DRGX: variants seen among roughly 807,000 people sequenced by gnomAD.
DRGX encodes dorsal root ganglia homeobox protein.
DRGX carries 21 observed loss-of-function variants against 28.6 expected under a neutral mutation model. That is an observed-to-expected ratio of 0.73 (90% CI 0.52 to 1.06). DRGX has a LOEUF of 1.06. DRGX is among the 50% of genes least tolerant of loss of function. DRGX has a pLI of 0.00. For missense variants in DRGX, 354 were observed against 343.9 expected (o/e 1.03, Z -0.23); for synonymous variants, 136 against 139.1 (o/e 0.98, Z 0.16).
rs533421161 is a variant in DRGX at position 49,370,520 on chromosome 10, TGCAGGTGGAC to T, written c.527-4149_527-4140del. 4.0e-3 allele frequency among the ~76,000 whole-genome samples: 603 copies of T among 152,342 alleles called. 2 individuals are homozygous for T. Among genetic ancestry groups the T allele is most frequent in the African/African-American group, 0.013 (554 of 41,578 alleles). On this transcript the variant is annotated intron_variant, in intron 6 of 6. Transcript: ENST00000374139. ...GTGTCCATCAAAGGGGGCGGATGCC[TGCAGGTGGAC>T]GCACAAACACGGTAACAGCCACACC...
At chr10:49,389,662 C>T (rs1849879263) in intron 4 of DRGX, among the ~76,000 whole-genome samples, 1 of 152,164 alleles carries the variant, frequency 6.6e-6, no homozygotes, top group Non-Finnish European at 1.5e-5. Context: ...TTCTTTGGAT[C>T]CACTTTGTTG....
chr10:49,390,793 G>A (rs146709669), intron 3 of DRGX, among the ~76,000 whole-genome samples: 84 of 146,382 alleles, frequency 5.7e-4, no homozygotes, highest in African/African-American at 2.0e-3. Context: ...CCTTATCCAA[G>A]TCAGCCAACT....
Position 49,395,392 on chromosome 10 carries a change from G to T in DRGX, c.34+15C>A. 6.5e-7 allele frequency: 1 copy of T among 1,549,998 alleles called. No individual in the cohort carries two copies. The highest frequency in any genetic ancestry group is 1.4e-5 in the African/African-American group (1 of 73,182). On this transcript the variant is annotated intron_variant, in intron 2 of 6. Coordinates refer to ENST00000374139, the MANE Select transcript of DRGX (RefSeq NM_001276451.2). ...TCTGGCTTCATGGAGACCCTGGGGC[G>T]CAGCGCTTACTTACCCTCTAGCTGT...
intron 6 of DRGX, among the ~76,000 whole-genome samples, chr10:49,371,043 A>T (rs1849653974): frequency 6.6e-6 from 1 of 152,228 alleles, no homozygotes; most frequent in Admixed American, 6.5e-5. Context: ...AACTACAGTG[A>T]TCTCGGCACA....
chr10:49,384,613 C>T (rs1397383586), intron 6 of DRGX, among the ~76,000 whole-genome samples: 1 of 152,186 alleles, frequency 6.6e-6, no homozygotes, highest in Admixed American at 6.5e-5. Context: ...AGAGGATGGA[C>T]AGATGTTTGT....
chr10:49,368,463 C>G (rs17009959), intron 6 of DRGX, among the ~76,000 whole-genome samples: 4,860 of 152,332 alleles, frequency 0.032, 207 homozygotes, highest in African/African-American at 0.094. Context: ...GGTCAAACCC[C>G]GAGGCCTGGC....
At chr10:49,367,392 AAAAAG>A (rs934360499) in intron 6 of DRGX, among the ~76,000 whole-genome samples, 13 of 152,058 alleles carry the variant, frequency 8.5e-5, no homozygotes, top group South Asian at 2.1e-4. Context: ...AAAGAAAAAG[AAAAAG>A]AAAAGAAAAG....
At chr10:49,395,863 A>T (rs1234442667) in intron 1 of DRGX, 72 bp downstream of exon 1, 1 of 205,078 alleles carries the variant, frequency 4.9e-6, no homozygotes, top group Non-Finnish European at 9.9e-6. Flanking sequence ...GCTGCAGCTC[A>T]GGCCAGGAAG....
chr10:49,376,910 G>C (rs1414052975), intron 6 of DRGX, among the ~76,000 whole-genome samples: 1 of 152,164 alleles, frequency 6.6e-6, no homozygotes, highest in Non-Finnish European at 1.5e-5. Context: ...GTCCATGACT[G>C]TCACCTGAAC....
intron 4 of DRGX, 47 bp from the exon 5 acceptor site, chr10:49,386,905 G>A: frequency 6.6e-7 from 1 of 1,509,626 alleles, no homozygotes; most frequent in Non-Finnish European, 8.8e-7. Context: ...CAAACAGGAG[G>A]AAGAAGCCAG....
rs920299892 is a variant in DRGX, at chr10:49,365,074, T to C, written c.*1042A>G. The C allele has an allele frequency of 2.0e-5, 3 of 152,206 alleles. No homozygotes were observed. The highest frequency in any genetic ancestry group is 4.4e-5 in the Non-Finnish European group (3 of 68,038). 9.4% of individuals were successfully genotyped at this position (152,206 alleles called of 1,614,324 possible). A position where few individuals can be genotyped will look rare whatever the true frequency, so the allele number is the denominator to read the frequency against. On this transcript the variant is annotated 3_prime_UTR_variant, in exon 7 of 7. Coordinates refer to ENST00000374139, the MANE Select transcript of DRGX (RefSeq NM_001276451.2). ...TTTGGAATTAATGCTCTCCACACCA[T>C]GAGAAAGCTGTCTTCCCCATGCTCC...
intron 3 of DRGX, 22 bp from the exon 4 acceptor site, chr10:49,390,256 T>A (rs1474357584): frequency 6.3e-7 from 1 of 1,589,204 alleles, no homozygotes; most frequent in Non-Finnish European, 8.6e-7. Flanking sequence ...AAAAAATATG[T>A]ACTGGTGAGA....
intron 6 of DRGX, among the ~76,000 whole-genome samples, chr10:49,376,981 C>A (rs1849723946): frequency 6.6e-6 from 1 of 152,172 alleles, no homozygotes; most frequent in Admixed American, 6.5e-5. Flanking sequence ...CCAGATCCTT[C>A]ACGTAGGGAT....
intron 6 of DRGX, among the ~76,000 whole-genome samples, chr10:49,371,058 CAT>C (rs1342274067): frequency 6.6e-6 from 1 of 152,212 alleles, no homozygotes; most frequent in East Asian, 1.9e-4. Flanking sequence ...GGCACATACA[CAT>C]GTTAACTTAA....
At chr10:49,395,588 G>T (rs75598435) in intron 1 of DRGX, 67 bp from the exon 2 acceptor site, 18,955 of 917,484 alleles carry the variant, frequency 0.021, 281 homozygotes, top group Middle Eastern at 0.052. Flanking sequence ...GCCCTAGGGC[G>T]CACCCGGCGC....
chr10:49,386,713 C>A lies in DRGX; in HGVS notation c.380G>T (p.Arg127Leu). The change falls in exon 5 of 7, where the codon CGG (arginine) becomes CTG (leucine). Residue 127 changes from arginine to leucine, a missense_variant. Arg to Leu is a moderately radical substitution (Grantham distance 102). Transcript: ENST00000374139. Reference sequence around the variant, plus strand: ...GGCCTCCAGCGCCTCCTTCTTACTCCGGGCTTGGTCCCCAGGGGGCGGGGA... The same window carrying A: ...GGCCTCCAGCGCCTCCTTCTTACTCAGGGCTTGGTCCCCAGGGGGCGGGGA... ...INSPPPGDQA[R>L]SKKEALEAQQ... 1 of 1,592,434 alleles carries A rather than the reference C, an allele frequency of 6.3e-7. No individual in the cohort carries two copies. The highest frequency in any genetic ancestry group is 1.3e-5 in the African/African-American group (1 of 74,216).
chr10:49,372,780 T>C (rs543079520), intron 6 of DRGX, among the ~76,000 whole-genome samples: 2 of 152,344 alleles, frequency 1.3e-5, no homozygotes, highest in South Asian at 4.2e-4. Context: ...GTGCCTACCC[T>C]GCCATTGGCA....
At chr10:49,383,424 C>T (rs1849799208) in intron 6 of DRGX, among the ~76,000 whole-genome samples, 3 of 152,080 alleles carry the variant, frequency 2.0e-5, no homozygotes, top group Admixed American at 1.3e-4. Flanking sequence ...GAGAGCTTTG[C>T]TGGGGGCAGG....
chr10:49,383,634 G>T (rs1397941815), intron 6 of DRGX, among the ~76,000 whole-genome samples: 1 of 152,216 alleles, frequency 6.6e-6, no homozygotes, highest in East Asian at 1.9e-4. Context: ...TTGAAATCTT[G>T]TGATGGCGTT....
Sources: gnomAD v4.1 joint callset for allele counts (sites outside exome capture counted in the v4.1 genomes callset) on GRCh38, gnomAD v4.1.1 for gene constraint, MANE v1.5 for transcripts, NCBI Gene and HGNC (gene_info 2026-07-23, HGNC 2026-07-21) for gene names.